Variants in NFIC observed in about 807,000 individuals in gnomAD.
NFIC encodes nuclear factor I C.
Under a neutral mutation model 54.4 loss-of-function variants are expected in NFIC, and 12 were observed. That is an observed-to-expected ratio of 0.22 (90% CI 0.14 to 0.36). NFIC has a LOEUF of 0.36. Ranked by LOEUF, NFIC falls within the 10% of genes least tolerant of loss-of-function variation. The pLI, the probability that NFIC is intolerant of heterozygous loss-of-function variation, is 1.00. For synonymous variants in NFIC, 322 were observed against 319.2 expected (o/e 1.01, Z -0.09); for missense variants, 575 against 718.2 (o/e 0.80, Z 2.28).
chr19:3,392,457 C>T (rs2081391094), intron 2 of NFIC, among the ~76,000 whole-genome samples: 1 of 152,224 alleles, frequency 6.6e-6, no homozygotes, highest in South Asian at 2.1e-4. Context: ...AGTAGGTCCT[C>T]CCACCACCCC....
chr19:3,378,585 C>G (rs191560960), intron 1 of NFIC, among the ~76,000 whole-genome samples: 6 of 152,306 alleles, frequency 3.9e-5, no homozygotes, highest in Admixed American at 1.3e-4. Flanking sequence ...CCCCCATGGC[C>G]GGGTTCCCCC....
intron 2 of NFIC, among the ~76,000 whole-genome samples, chr19:3,414,992 G>T (rs1046010565): frequency 6.6e-6 from 1 of 151,562 alleles, no homozygotes; most frequent in Non-Finnish European, 1.5e-5. Context: ...GGTGCCTGCC[G>T]CCACACCCGG....
At chr19:3,363,289 T>TTTTTTA (rs2080841753), upstream of NFIC, among the ~76,000 whole-genome samples, 1 of 101,210 alleles carries the variant, frequency 9.9e-6, no homozygotes, top group Admixed American at 1.2e-4. Context: ...TTTTTTTTTT[T>TTTTTTA]GAGATGGAGT....
At chr19:3,457,388 T>G (rs2082575655) in intron 10 of NFIC, among the ~76,000 whole-genome samples, 1 of 151,912 alleles carries the variant, frequency 6.6e-6, no homozygotes, top group African/African-American at 2.4e-5. Flanking sequence ...TGCACAGTAG[T>G]CTAGGGAGTG....
At chr19:3,445,134 C>A (rs878869652) in intron 6 of NFIC, among the ~76,000 whole-genome samples, 1 of 152,266 alleles carries the variant, frequency 6.6e-6, no homozygotes, top group Non-Finnish European at 1.5e-5. Flanking sequence ...TGCACACATG[C>A]ATGCAGCTGT....
exon 1 of NFIC, chr19:3,359,658 G>C: frequency 7.2e-7 from 1 of 1,393,804 alleles, no homozygotes; most frequent in Non-Finnish European, 9.4e-7. Context: ...CTCCGGCGCC[G>C]GCCTCGCCTC....
At chr19:3,404,296 G>A (rs540920011) in intron 2 of NFIC, among the ~76,000 whole-genome samples, 11 of 152,072 alleles carry the variant, frequency 7.2e-5, no homozygotes, top group African/African-American at 2.4e-4. Context: ...GGGTGGCGTT[G>A]ACACATTTGA....
Position 3,381,993 on chromosome 19 carries a change from C to T in NFIC, c.312C>T (p.Cys104=), listed in dbSNP as rs1286196296. The T allele has an allele frequency of 1.2e-6, 2 of 1,613,382 alleles. No individual in the cohort carries two copies. The highest frequency in any genetic ancestry group is 2.7e-5 in the African/African-American group (2 of 74,952). ...LSITGKKAPG[C]VLSNPDQKGK... The stretch of plus-strand genomic sequence containing the variant: ...TCACCGGCAAGAAGGCGCCGGGCTG[C>T]GTGCTCTCCAACCCCGACCAGAAGG... The change falls in exon 2 of 11, where the codon TGC becomes TGT. Residue 104 remains cysteine, a synonymous_variant. Transcript: ENST00000443272.
chr19:3,461,616 G>A lies in NFIC; in HGVS notation c.1510-1136G>A, dbSNP rs184138073. Reference sequence around the variant, plus strand: ...GGCGGGCCTGTAATCCCAGCTACTTGGGAGGCTAAGGCACAAGGATCACTT... The same window carrying A: ...GGCGGGCCTGTAATCCCAGCTACTTAGGAGGCTAAGGCACAAGGATCACTT... On this transcript the variant is annotated intron_variant, in intron 10 of 10. Coordinates refer to ENST00000443272, the MANE Select transcript of NFIC (RefSeq NM_001245002.2). Among the ~76,000 whole-genome samples, 1,426 of 152,030 alleles carry A rather than the reference G, an allele frequency of 9.4e-3. 62 individuals carry two copies. The highest frequency in any genetic ancestry group is 0.087 in the Admixed American group (1,335 of 15,288).
At chr19:3,363,959 G>A (rs1026949628), upstream of NFIC, among the ~76,000 whole-genome samples, 6 of 152,194 alleles carry the variant, frequency 3.9e-5, no homozygotes, top group South Asian at 1.2e-3. Flanking sequence ...TAACCAGTTG[G>A]GAGCCACTGG....
In NFIC at chr19:3,453,026, A is replaced by C. The variant is rs774883846; in HGVS notation, c.1269+360A>C. Among the ~76,000 whole-genome samples, 37 of 152,330 alleles carry C rather than the reference A, an allele frequency of 2.4e-4. 1 individual carries two copies. The highest frequency in any genetic ancestry group is 9.8e-4 in the Admixed American group (15 of 15,304). On this transcript the variant is annotated intron_variant, in intron 8 of 10. Coordinates refer to ENST00000443272, the MANE Select transcript of NFIC (RefSeq NM_001245002.2). The surrounding 1 kb of genome is among the most constrained non-coding windows in gnomAD (Gnocchi z 6.7). ...CAAGGCGGGAGGATTGCATAAGCCC[A>C]GAGTTCAAGACCAACCTGGGCAGCA...
chr19:3,373,850 T>G (rs2081063666), intron 1 of NFIC, among the ~76,000 whole-genome samples: 1 of 152,106 alleles, frequency 6.6e-6, no homozygotes, highest in African/African-American at 2.4e-5. Flanking sequence ...ACTAAATGTT[T>G]GCTGAGCAAC....
chr19:3,383,784 A>G (rs2081250246), intron 2 of NFIC, among the ~76,000 whole-genome samples: 1 of 152,192 alleles, frequency 6.6e-6, no homozygotes, highest in South Asian at 2.1e-4. Context: ...GCAGCACTCT[A>G]TAGAAACAGG....
intron 1 of NFIC, among the ~76,000 whole-genome samples, chr19:3,380,080 A>C (rs2081176928): frequency 6.6e-6 from 1 of 151,594 alleles, no homozygotes; most frequent in African/African-American, 2.4e-5. Flanking sequence ...GGCTCACTGC[A>C]AGCTCCGCCT....
chr19:3,396,159 C>T (rs181935166), intron 2 of NFIC, among the ~76,000 whole-genome samples: 38 of 152,242 alleles, frequency 2.5e-4, no homozygotes, highest in East Asian at 3.9e-4. Context: ...ATGCTGGGCA[C>T]GGGAAGCCTG....
intron 2 of NFIC, among the ~76,000 whole-genome samples, chr19:3,416,137 C>T (rs917507666): frequency 1.1e-4 from 16 of 149,814 alleles, no homozygotes; most frequent in South Asian, 2.1e-4. Context: ...TCCTCCATCC[C>T]GGGCCACAGA....
rs33968415 is a variant in NFIC, at chr19:3,432,670, CTT to C, written c.635-831_635-830del. Among the ~76,000 whole-genome samples, 1,260 of 129,432 alleles carry C rather than the reference CTT, an allele frequency of 9.7e-3. 19 individuals are homozygous for C. The highest frequency in any genetic ancestry group is 0.033 in the African/African-American group (1,106 of 33,538). 84.9% of individuals were successfully genotyped at this position (129,432 alleles called of 152,430 possible). Reference sequence around the variant, plus strand: ...TGAGCCCAGGCCTCCGCTTTCCGCTCTTTTTTTTTTTTTTTTTTGAGATGGAG... The same window carrying C: ...TGAGCCCAGGCCTCCGCTTTCCGCTCTTTTTTTTTTTTTTTTGAGATGGAG... On this transcript the variant is annotated intron_variant, in intron 3 of 10. Coordinates refer to ENST00000443272, the MANE Select transcript of NFIC (RefSeq NM_001245002.2).
Position 3,459,830 on chromosome 19 carries a change from T to C in NFIC, c.1510-2922T>C, listed in dbSNP as rs921692390. ...GCGCTGGGAACCACTGTGGCGCCAG[T>C]TCCATGGGCTGGCCCAGTGGCTGCC... On this transcript the variant is annotated intron_variant, in intron 10 of 10. Transcript: ENST00000443272. This position sits in a 1 kb window ranked among gnomAD's most constrained non-coding sequence, Gnocchi z 4.2. Among the ~76,000 whole-genome samples, 2 of 152,206 alleles carry C rather than the reference T, an allele frequency of 1.3e-5. No homozygotes were observed. Among genetic ancestry groups the C allele is most frequent in the Non-Finnish European group, 2.9e-5 (2 of 68,024 alleles).
chr19:3,433,146 G>A (rs2082147633), intron 3 of NFIC, among the ~76,000 whole-genome samples: 1 of 151,838 alleles, frequency 6.6e-6, no homozygotes, highest in South Asian at 2.1e-4. Context: ...AACACTTTTT[G>A]TAGAGATGGG....
Sources: allele counts gnomAD v4.1 joint callset (sites outside exome capture counted in the v4.1 genomes callset), GRCh38; gene constraint gnomAD v4.1.1; non-coding constraint Gnocchi (gnomAD v3.1); transcripts MANE v1.5; gene names NCBI Gene and HGNC (gene_info 2026-07-23, HGNC 2026-07-21).